PKD1: variants seen among roughly 807,000 people sequenced by gnomAD.
PKD1 encodes polycystin 1, transient receptor potential channel interacting.
PKD1 carries 81 observed loss-of-function variants against 361.7 expected under a neutral mutation model. The ratio of observed to expected loss-of-function variants is 0.22; its 90% confidence interval spans 0.19 to 0.27. PKD1 has a LOEUF of 0.27. PKD1 is among the 10% of genes least tolerant of loss of function. The pLI, the probability that PKD1 is intolerant of heterozygous loss-of-function variation, is 1.00. For synonymous variants in PKD1, 3,615 were observed against 2,818.3 expected, an observed-to-expected ratio of 1.28 and a Z score of -8.95; for missense variants, 6,399 against 6,118.3, an observed-to-expected ratio of 1.05 and a Z score of -1.53.
chr16:2,113,452 G>T lies in PKD1; in HGVS notation c.2854-160C>A, dbSNP rs941785909. 2.4e-5 allele frequency: 20 copies of T among 836,080 alleles called. No individual in the cohort carries two copies. The African/African-American group carries it at 2.8e-4, about 12-fold the overall frequency. The allele number at this position is 836,080 out of a possible 1,614,324, so 51.8% of individuals were successfully genotyped here. ...ATGCCATGGGAGCCAAGCCCGGGCTGGGACACTCACTGTCCGGCTCTCCAG... is the reference window on the plus strand; with the variant it reads ...ATGCCATGGGAGCCAAGCCCGGGCTTGGACACTCACTGTCCGGCTCTCCAG... On this transcript the variant is annotated intron_variant, in intron 11 of 45. Transcript: ENST00000262304.
chr16:2,124,801 G>T (rs1385874993), intron 1 of PKD1, among the ~76,000 whole-genome samples: 2 of 152,246 alleles, frequency 1.3e-5, no homozygotes, highest in East Asian at 1.9e-4. Context: ...GGGCTGGGGG[G>T]ACCGGCTCGG....
chr16:2,095,901 T>A (rs143164041), intron 34 of PKD1, among the ~76,000 whole-genome samples: 73 of 150,888 alleles, frequency 4.8e-4, no homozygotes, highest in African/African-American at 1.6e-3. Context: ...ACCCCTGGAT[T>A]TCCCCATACT....
intron 34 of PKD1, chr16:2,096,871 A>G (rs529570974): frequency 8.5e-5 from 46 of 541,036 alleles, no homozygotes; most frequent in African/African-American, 7.9e-4. Flanking sequence ...TGAGACCAAG[A>G]TAAAAACGTG....
intron 1 of PKD1, among the ~76,000 whole-genome samples, chr16:2,130,342 C>G (rs1469913703): frequency 6.6e-6 from 1 of 152,196 alleles, no homozygotes; most frequent in East Asian, 1.9e-4. Flanking sequence ...CCCGAGTCAC[C>G]TTGCCCCTTG....
At position 2,130,339 on chromosome 16, in the gene PKD1, C is replaced by A. The variant is rs548623528; in HGVS notation, c.215+5136G>T. ...AGAGGCCCTACCCCTGCCCCCGAGT[C>A]ACCTTGCCCCTTGGGGACTCTCTCT... On this transcript the variant is annotated intron_variant, in intron 1 of 45. Coordinates refer to ENST00000262304, the MANE Select transcript of PKD1 (RefSeq NM_001009944.3). 7.2e-5 allele frequency among the ~76,000 whole-genome samples: 11 copies of A among 152,308 alleles called. No individual in the cohort carries two copies. In the East Asian group the frequency reaches 7.7e-4, roughly 11 times the overall value.
rs185685883 is a variant in PKD1 at position 2,111,136 on chromosome 16, G to A, written c.4031C>T (p.Thr1344Met). 7.6e-5 allele frequency: 123 copies of A among 1,611,044 alleles called. No homozygotes were observed. Among genetic ancestry groups the A allele is most frequent in the South Asian group, 4.4e-4 (40 of 91,006 alleles). Residue 1344 changes from threonine (T) to methionine (M), a missense_variant, in exon 15 of 46, where the codon ACG becomes ATG. By Grantham distance (81) the Thr-to-Met change is moderately conservative. Coordinates refer to ENST00000262304, the MANE Select transcript of PKD1 (RefSeq NM_001009944.3). ...GCTCCGCGTGAAGTTGTGTGTCACC[G>A]TCGGGCACCCCCGCACGGTCGTGTT... ...SSNTTVRGCPTVTHNFTRSGT... is the reference protein window; with the variant it reads ...SSNTTVRGCPMVTHNFTRSGT...
Position 2,115,547 on chromosome 16 carries a change from C to A in PKD1, c.1928G>T (p.Gly643Val), listed in dbSNP as rs1441598789. 6.3e-7 allele frequency: 1 copy of A among 1,592,196 alleles called. No homozygotes were observed. The highest frequency in any genetic ancestry group is 1.1e-5 in the South Asian group (1 of 89,052). ...RTQLAPACMP[G>V]GRWCPGANIC... ...GTTGGCTCCAGGGCACCAGCGTCCC[C>A]CTGGCATGCACGCGGGGGCCAGCTG... The change falls in exon 10 of 46, where the codon GGG (glycine) becomes GTG (valine). Residue 643 changes from glycine to valine, a missense_variant. Transcript: ENST00000262304.
rs756973031 is a variant in PKD1 at position 2,111,198 on chromosome 16, G to T, written c.3969C>A (p.His1323Gln). 2 of 1,611,378 alleles carry T rather than the reference G, an allele frequency of 1.2e-6. No homozygotes were observed. Among genetic ancestry groups the T allele is most frequent in the African/African-American group, 2.7e-5 (2 of 74,896 alleles). ...CCCCGAAGGTCCAGTCGAAGAGGTA[G>T]TGGGCCGGGTTCCCGGTGACGTAGG... ...LTAYVTGNPA[H>Q]YLFDWTFGDG... is the part of the protein sequence containing the mutation. The change falls in exon 15 of 46, where the codon CAC becomes CAA. Residue 1323 changes from histidine (H) to glutamine (Q), a missense_variant. By Grantham distance (24) the His-to-Gln change is conservative. Coordinates refer to ENST00000262304, the MANE Select transcript of PKD1 (RefSeq NM_001009944.3).
At position 2,105,467 on chromosome 16, in the gene PKD1, C is replaced by T. The variant is rs773654243; in HGVS notation, c.7871G>A (p.Arg2624Gln). 4 of 1,594,868 alleles carry T rather than the reference C, an allele frequency of 2.5e-6. No individual in the cohort carries two copies. Among genetic ancestry groups the T allele is most frequent in the South Asian group, 2.2e-5 (2 of 90,978 alleles). The change falls in exon 21 of 46, where the codon CGG (arginine) becomes CAG (glutamine). Residue 2624 changes from arginine (R) to glutamine (Q), a missense_variant. Transcript: ENST00000262304. The part of the protein sequence containing the change: ...ALVTVLNEYE[R>Q]ALDVAAEPKH... ...GGGCTCTGCCGCCACGTCCAGGGCC[C>T]GCTCGTACTGGGGCAGGCAGGGGGC... is the stretch of plus-strand genomic sequence containing the variant.
At chr16:2,093,206 T>C in intron 37 of PKD1, 113 bp from the exon 38 acceptor site, 2 of 1,309,122 alleles carry the variant, frequency 1.5e-6, no homozygotes, top group Non-Finnish European at 2.2e-6. Flanking sequence ...GAAGGTGAGC[T>C]GGCAGGGGGC....
rs931615333 is a variant in PKD1, at chr16:2,116,431, G to A, written c.1722+98C>T. 18 of 680,500 alleles carry A rather than the reference G, an allele frequency of 2.6e-5. No homozygotes were observed. In the Admixed American group the frequency reaches 4.0e-4, roughly 15 times the overall value. The allele number at this position is 680,500 out of a possible 1,614,324, so 42.2% of individuals were successfully genotyped here. ...TTCACTGGGCACAAGCAACATTAAG[G>A]CCCCCAAGTTTTTTGGCGAGACCCA... On this transcript the variant is annotated intron_variant, in intron 8 of 45. Coordinates refer to ENST00000262304, the MANE Select transcript of PKD1 (RefSeq NM_001009944.3).
Position 2,091,018 on chromosome 16 carries a change from C to A in PKD1, c.11869G>T (p.Gly3957Cys), listed in dbSNP as rs1239233980. 2.0e-6 allele frequency: 3 copies of A among 1,533,016 alleles called. No individual in the cohort carries two copies. Among genetic ancestry groups the A allele is most frequent in the African/African-American group, 2.7e-5 (2 of 72,898 alleles). The allele number at this position is 1,533,016 out of a possible 1,614,324, so 95.0% of individuals were successfully genotyped here. Residue 3957 changes from glycine to cysteine, a missense_variant, in exon 43 of 46, where the codon GGT becomes TGT. By Grantham distance (159) the Gly-to-Cys change is radical. Coordinates refer to ENST00000262304, the MANE Select transcript of PKD1 (RefSeq NM_001009944.3). Reference protein sequence around the residue: ...ATALVRLAQLGAADRQWTRFV... With the variant: ...ATALVRLAQLCAADRQWTRFV... ...CGGGTCCACTGGCGGTCAGCGGCAC[C>A]CAGCTGGGCGAGGCGTACCAGTGCC...
chr16:2,122,079 T>C (rs1297275800), intron 1 of PKD1, among the ~76,000 whole-genome samples: 4 of 152,170 alleles, frequency 2.6e-5, no homozygotes, highest in African/African-American at 7.2e-5. Context: ...GGCAAGAGCT[T>C]GAGAAGGGAA....
rs2092530979 is a variant in PKD1, at chr16:2,112,211, G to GCC, written c.3295+127_3295+128dup. The GCC allele has an allele frequency of 1.2e-5, 10 of 838,832 alleles. No individual in the cohort carries two copies. The South Asian group carries it at 1.4e-4, about 12-fold the overall frequency. The allele number at this position is 838,832 out of a possible 1,614,324, so 52.0% of individuals were successfully genotyped here. ...CTCCCTCACCCCAGTAGGGGCCTAAGCCATCAGCCCAGGTGAGGTCACAGT... is the reference window on the plus strand; with the variant it reads ...CTCCCTCACCCCAGTAGGGGCCTAAGCCCCATCAGCCCAGGTGAGGTCACAGT... On this transcript the variant is annotated intron_variant, in intron 14 of 45. Transcript: ENST00000262304.
Position 2,108,698 on chromosome 16 carries a change from G to A in PKD1, c.6469C>T (p.Leu2157=). Residue 2157 remains leucine, a synonymous_variant, in exon 15 of 46, where the codon CTG becomes TTG. Coordinates refer to ENST00000262304, the MANE Select transcript of PKD1 (RefSeq NM_001009944.3). ...TGTGATCGCCGCATCAGCACCTGCA[G>A]GGGCAGGACCACGTCCACCTCCGGC... The part of the protein sequence containing the change: ...REPEVDVVLP[L]QVLMRRSQRN... The A allele has an allele frequency of 1.9e-6, 3 of 1,570,384 alleles. No individual in the cohort carries two copies. Among genetic ancestry groups the A allele is most frequent in the Non-Finnish European group, 2.6e-6 (3 of 1,158,640 alleles).
Position 2,090,005 on chromosome 16 carries a change from G to C in PKD1, c.12634C>G (p.Pro4212Ala), listed in dbSNP as rs143945578. 7.5e-6 allele frequency: 12 copies of C among 1,609,954 alleles called. No homozygotes were observed. Among genetic ancestry groups the C allele is most frequent in the African/African-American group, 1.3e-5 (1 of 74,910 alleles). ...TCGAACACGGCTTGGAGGCGGGAGGGCTCAGGCTCACACCTTGTCCCCAGC... is the reference window on the plus strand; with the variant it reads ...TCGAACACGGCTTGGAGGCGGGAGGCCTCAGGCTCACACCTTGTCCCCAGC... ...GRLGTRCEPE[P>A]SRLQAVFEAL... Residue 4212 changes from proline (P) to alanine (A), a missense_variant, in exon 46 of 46, where the codon CCC becomes GCC. Transcript: ENST00000262304.
chr16:2,108,893 A>G lies in PKD1; in HGVS notation c.6274T>C (p.Tyr2092His), dbSNP rs1333385421. 6.3e-7 allele frequency: 1 copy of G among 1,581,032 alleles called. No homozygotes were observed. Among genetic ancestry groups the G allele is most frequent in the South Asian group, 1.1e-5 (1 of 87,396 alleles). ...ATSPSPRRVA[Y>H]HWDFGDGSPG... is the part of the protein sequence containing the mutation. ...GACCCATCCCCAAAGTCCCAGTGGT[A>G]GGCCACACGCCGGGGGCTGGGGCTG... Residue 2092 changes from tyrosine (Y) to histidine (H), a missense_variant, in exon 15 of 46, where the codon TAC (tyrosine) becomes CAC (histidine). By Grantham distance (83) the Tyr-to-His change is moderately conservative (BLOSUM62 2). Coordinates refer to ENST00000262304, the MANE Select transcript of PKD1 (RefSeq NM_001009944.3).
rs2092431859 is a variant in PKD1 at position 2,108,977 on chromosome 16, C to T, written c.6190G>A (p.Val2064Met). 3.1e-6 allele frequency: 5 copies of T among 1,609,988 alleles called. No homozygotes were observed. Among genetic ancestry groups the T allele is most frequent in the African/African-American group, 2.7e-5 (2 of 74,860 alleles). The change falls in exon 15 of 46, where the codon GTG (valine) becomes ATG (methionine). Residue 2064 changes from valine (V) to methionine (M), a missense_variant. Transcript: ENST00000262304. ...VLEVQDAVQY[V>M]ALQSGPCFTN... ...AAGCAGGGGCCGCTCTGCAGGGCCACATACTGGACGGCGTCCTGAACCTCC... is the reference window on the plus strand; with the variant it reads ...AAGCAGGGGCCGCTCTGCAGGGCCATATACTGGACGGCGTCCTGAACCTCC...
rs1188304476 is a variant in PKD1, at chr16:2,089,812, C to T, written c.12827G>A (p.Arg4276Gln). 2.8e-5 allele frequency: 45 copies of T among 1,600,346 alleles called. No homozygotes were observed. The highest frequency in any genetic ancestry group is 3.4e-5 in the Non-Finnish European group (40 of 1,174,244). The change falls in exon 46 of 46, where the codon CGG (arginine) becomes CAG (glutamine). Residue 4276 changes from arginine (R) to glutamine (Q), a missense_variant. Transcript: ENST00000262304. ...GGCCAGGTCCACACCCCGACTGGCC[C>T]GGGCAAGGCGGCTGGGCAGTGCTGG... ...LRPALPSRLA[R>Q]ASRGVDLATG...
Sources: gnomAD v4.1 joint callset for allele counts (sites outside exome capture counted in the v4.1 genomes callset) on GRCh38, gnomAD v4.1.1 for gene constraint, MANE v1.5 for transcripts, NCBI Gene and HGNC (gene_info 2026-07-23, HGNC 2026-07-21) for gene names.